The following RYR3 variants were observed in gnomAD, a reference collection of about 807,000 sequenced individuals.
The protein encoded by RYR3 is brain ryanodine receptor-calcium release channel.
A neutral mutation model predicts 584.3 loss-of-function variants in RYR3; 207 were observed. The ratio of observed to expected loss-of-function variants is 0.35; its 90% CI spans 0.32 to 0.40. The LOEUF is 0.40. RYR3 is among the 10% of genes least tolerant of loss of function. RYR3 has a pLI of 1.00. For synonymous variants in RYR3, 2,416 were observed against 2,248.5 expected (o/e 1.07, Z -2.11); for missense variants, 5,616 against 6,089.2 (o/e 0.92, Z 2.59).
chr15:33,639,587 C>T (rs577409238), intron 27 of RYR3, among the ~76,000 whole-genome samples: 26 of 152,272 alleles, frequency 1.7e-4, no homozygotes, highest in African/African-American at 4.6e-4. Flanking sequence ...AAATGCCCGA[C>T]GTGCTTGTGT....
chr15:33,521,711 A>G (rs918476952), intron 3 of RYR3, among the ~76,000 whole-genome samples: 8 of 152,158 alleles, frequency 5.3e-5, no homozygotes, highest in Admixed American at 3.9e-4. Context: ...CCTGGAGTCA[A>G]GGTCACTCTA....
intron 1 of RYR3, among the ~76,000 whole-genome samples, chr15:33,338,464 C>T (rs1487483750): frequency 1.3e-5 from 2 of 152,062 alleles, no homozygotes; most frequent in Non-Finnish European, 2.9e-5. Flanking sequence ...ACAGACAAAA[C>T]GGGGTAGGGG....
chr15:33,566,667 C>A lies in RYR3; in HGVS notation c.1147-11C>A. On this transcript the variant is annotated splice_polypyrimidine_tract_variant and intron_variant, in intron 11 of 103. Coordinates refer to ENST00000634891, the MANE Select transcript of RYR3 (RefSeq NM_001036.6). ...GTAACCTAGAGCTCCCGTCCCTTGC[C>A]CTGTGGGTAGGTCATACTCCATCAG... is the stretch of plus-strand genomic sequence containing the variant. 8 of 1,613,528 alleles carry A rather than the reference C, an allele frequency of 5.0e-6. No homozygotes were observed. Among genetic ancestry groups the A allele is most frequent in the Non-Finnish European group, 6.8e-6 (8 of 1,179,538 alleles).
intron 22 of RYR3, 94 bp from the exon 23 acceptor site, chr15:33,631,116 G>T (rs2061242510): frequency 5.3e-6 from 4 of 757,268 alleles, no homozygotes; most frequent in Non-Finnish European, 8.7e-6. Flanking sequence ...TAAATGAATG[G>T]CTCTTGTCTG....
At chr15:33,443,945 T>C (rs897245223) in intron 1 of RYR3, among the ~76,000 whole-genome samples, 22 of 152,190 alleles carry the variant, frequency 1.4e-4, no homozygotes, top group Admixed American at 7.2e-4. Context: ...ACCATAGATA[T>C]TGCAGGAGGC....
chr15:33,842,889 C>T (rs534788145), intron 91 of RYR3, among the ~76,000 whole-genome samples: 7 of 152,252 alleles, frequency 4.6e-5, no homozygotes, highest in East Asian at 1.9e-4. Flanking sequence ...CTGCTGGTGG[C>T]GTGTTTAGGC....
chr15:33,784,339 A>C (rs1456683945), intron 65 of RYR3, among the ~76,000 whole-genome samples: 1 of 152,224 alleles, frequency 6.6e-6, no homozygotes, highest in Non-Finnish European at 1.5e-5. Flanking sequence ...AATGGATATA[A>C]AATCTGAAAA....
Position 33,837,622 on chromosome 15 carries a change from G to C in RYR3, c.11651-9G>C. 1 of 1,566,704 alleles carries C rather than the reference G, an allele frequency of 6.4e-7. No homozygotes were observed. Reference sequence around the variant, plus strand: ...TATATTTGTATGTCTTTTTGAACCTGCCTCACAGGGAATGTGGTAAATGGC... The same window carrying C: ...TATATTTGTATGTCTTTTTGAACCTCCCTCACAGGGAATGTGGTAAATGGC... On this transcript the variant is annotated splice_polypyrimidine_tract_variant and intron_variant, in intron 88 of 103. Coordinates refer to ENST00000634891, the MANE Select transcript of RYR3 (RefSeq NM_001036.6).
intron 86 of RYR3, among the ~76,000 whole-genome samples, chr15:33,834,386 T>A (rs1383115613): frequency 6.6e-6 from 1 of 151,932 alleles, no homozygotes; most frequent in Non-Finnish European, 1.5e-5. Context: ...TCAGAAAAGT[T>A]CGTCAGAGAT....
chr15:33,475,675 T>C (rs1010340996), intron 2 of RYR3, among the ~76,000 whole-genome samples: 5 of 152,222 alleles, frequency 3.3e-5, no homozygotes, highest in African/African-American at 4.8e-5. Flanking sequence ...GTTGGAATCC[T>C]GTCTCTACCA....
Position 33,708,627 on chromosome 15 carries a change from G to A in RYR3, c.6619+1573G>A, listed in dbSNP as rs1806104677. Reference sequence around the variant, plus strand: ...AACTGGCCCATCAATAGAAATATTTGTGGATTTCAGTTTAATGTTTGTCTC... The same window carrying A: ...AACTGGCCCATCAATAGAAATATTTATGGATTTCAGTTTAATGTTTGTCTC... On this transcript the variant is annotated intron_variant, in intron 43 of 103. Coordinates refer to ENST00000634891, the MANE Select transcript of RYR3 (RefSeq NM_001036.6). Among the ~76,000 whole-genome samples, 10 of 152,152 alleles carry A rather than the reference G, an allele frequency of 6.6e-5. 1 individual carries two copies. In the South Asian group the frequency reaches 2.1e-3, roughly 32 times the overall value.
At chr15:33,427,691 G>A (rs80204576) in intron 1 of RYR3, among the ~76,000 whole-genome samples, 237 of 152,290 alleles carry the variant, frequency 1.6e-3, no homozygotes, top group African/African-American at 5.4e-3. Context: ...CCTGTGCAAA[G>A]CTCCCCTCAC....
intron 1 of RYR3, among the ~76,000 whole-genome samples, chr15:33,418,254 T>C (rs1466008912): frequency 6.6e-6 from 1 of 152,096 alleles, no homozygotes; most frequent in Non-Finnish European, 1.5e-5. Flanking sequence ...GTAGGATTGG[T>C]ACTAGCTATT....
intron 3 of RYR3, among the ~76,000 whole-genome samples, chr15:33,509,029 G>T (rs540379584): frequency 6.6e-6 from 1 of 152,288 alleles, no homozygotes; most frequent in South Asian, 2.1e-4. Flanking sequence ...TAGAGTGCAT[G>T]TCATGAGATA....
At chr15:33,405,641 G>A (rs751668426) in intron 1 of RYR3, among the ~76,000 whole-genome samples, 3 of 152,204 alleles carry the variant, frequency 2.0e-5, no homozygotes, top group Non-Finnish European at 2.9e-5. Context: ...AGTAAGGCAC[G>A]TTGATAGTAA....
intron 12 of RYR3, among the ~76,000 whole-genome samples, chr15:33,573,696 T>C (rs759371824): frequency 6.6e-6 from 1 of 152,216 alleles, no homozygotes; most frequent in Non-Finnish European, 1.5e-5. Flanking sequence ...GGCCTAAGAA[T>C]ATAGTGGGAC....
chr15:33,595,045 T>C (rs548562082), intron 16 of RYR3, among the ~76,000 whole-genome samples: 56 of 152,316 alleles, frequency 3.7e-4, no homozygotes, highest in Middle Eastern at 3.4e-3. Context: ...TTTTGGACTT[T>C]AGGGAACCTA....
intron 5 of RYR3, among the ~76,000 whole-genome samples, chr15:33,534,315 C>T (rs557531869): frequency 2.0e-5 from 3 of 152,208 alleles, no homozygotes; most frequent in Admixed American, 6.5e-5. Flanking sequence ...GTGGGAGAAT[C>T]GCTTGAACCC....
chr15:33,691,975 G>T (rs2065467768), intron 38 of RYR3, among the ~76,000 whole-genome samples: 1 of 152,168 alleles, frequency 6.6e-6, no homozygotes. Flanking sequence ...AACACATTTG[G>T]ACTTAAAGGG....
Sources: gnomAD v4.1 joint callset for allele counts (sites outside exome capture counted in the v4.1 genomes callset) on GRCh38, gnomAD v4.1.1 for gene constraint, MANE v1.5 for transcripts, NCBI Gene and HGNC (gene_info 2026-07-23, HGNC 2026-07-21) for gene names.